The following CNTNAP2 variants were observed in gnomAD, a reference collection of about 807,000 sequenced individuals.
CNTNAP2 encodes contactin associated protein 2, also known as contactin-associated protein-like 2.
A neutral mutation model predicts 155.2 loss-of-function variants in CNTNAP2; 98 were observed. That is an observed-to-expected ratio of 0.63 (90% CI 0.54 to 0.75). CNTNAP2 has a LOEUF of 0.75. Among genes scored for constraint, CNTNAP2 ranks in the 30% least tolerant of loss-of-function variants. The pLI is 0.00. For synonymous variants in CNTNAP2, 651 were observed against 631.2 expected (o/e 1.03, Z -0.47); for missense variants, 1,727 against 1,688.1 (o/e 1.02, Z -0.40).
intron 1 of CNTNAP2, among the ~76,000 whole-genome samples, chr7:146,420,726 T>C (rs1160684744): frequency 6.6e-6 from 1 of 152,062 alleles, no homozygotes; most frequent in Non-Finnish European, 1.5e-5. Context: ...TACTGAGGCT[T>C]GAAAAGTATG....
At chr7:146,847,070 C>T (rs550726683) in intron 3 of CNTNAP2, among the ~76,000 whole-genome samples, 18 of 142,724 alleles carry the variant, frequency 1.3e-4, no homozygotes, top group East Asian at 5.8e-4. Flanking sequence ...TTTTTTTTAT[C>T]GTGTCAAGGT....
At chr7:148,330,906 G>A (rs564066633) in intron 21 of CNTNAP2, among the ~76,000 whole-genome samples, 1 of 98,870 alleles carries the variant, frequency 1.0e-5, no homozygotes, top group African/African-American at 2.9e-5. Context: ...GGAATGGACG[G>A]ATGGAGTGGA....
At chr7:147,361,885 A>G (rs750394705) in intron 9 of CNTNAP2, among the ~76,000 whole-genome samples, 15 of 152,132 alleles carry the variant, frequency 9.9e-5, no homozygotes, top group Non-Finnish European at 1.5e-4. Flanking sequence ...GCTCTTCTCT[A>G]CTGCATGATA....
rs569991705 is a variant in CNTNAP2, at chr7:146,623,274, T to G, written c.98-150997T>G. On this transcript the variant is annotated intron_variant, in intron 1 of 23. Coordinates refer to ENST00000361727, the MANE Select transcript of CNTNAP2 (RefSeq NM_014141.6). ...CTGCCTTCTGACATGTGATCCTGACTTCCTGCATACGTTTTAAAGCGTTTT... is the reference window on the plus strand; with the variant it reads ...CTGCCTTCTGACATGTGATCCTGACGTCCTGCATACGTTTTAAAGCGTTTT... 6.0e-4 allele frequency among the ~76,000 whole-genome samples: 91 copies of G among 152,324 alleles called. 1 individual carries two copies. The highest frequency in any genetic ancestry group is 1.4e-3 in the South Asian group (7 of 4,828).
chr7:146,293,859 C>T (rs1183820219), intron 1 of CNTNAP2, among the ~76,000 whole-genome samples: 5 of 151,926 alleles, frequency 3.3e-5, no homozygotes, highest in Non-Finnish European at 7.4e-5. Context: ...GGAGACCTTC[C>T]ATAATGTAAA....
chr7:148,248,725 A>G (rs1031820978), intron 20 of CNTNAP2, among the ~76,000 whole-genome samples: 1 of 152,234 alleles, frequency 6.6e-6, no homozygotes. Context: ...ATACACATGT[A>G]TAGAGCAGAC....
At chr7:146,713,541 A>G (rs1563199854) in intron 1 of CNTNAP2, among the ~76,000 whole-genome samples, 1 of 152,156 alleles carries the variant, frequency 6.6e-6, no homozygotes, top group Non-Finnish European at 1.5e-5. Flanking sequence ...CTCCTGCCCA[A>G]CCACCTCACC....
chr7:146,843,275 G>A (rs990770315), intron 3 of CNTNAP2, among the ~76,000 whole-genome samples: 2 of 148,248 alleles, frequency 1.3e-5, no homozygotes, highest in African/African-American at 5.1e-5. Context: ...GCCTCCCAAA[G>A]TGCTGGGATT....
chr7:147,386,882 T>A (rs530349101), intron 9 of CNTNAP2, among the ~76,000 whole-genome samples: 1 of 152,156 alleles, frequency 6.6e-6, no homozygotes, highest in South Asian at 2.1e-4. Flanking sequence ...ACTGGGCAAT[T>A]TACCAAAGAA....
chr7:147,355,498 T>C (rs116568421), intron 9 of CNTNAP2, among the ~76,000 whole-genome samples: 2,065 of 152,000 alleles, frequency 0.014, 40 homozygotes, highest in African/African-American at 0.047. Flanking sequence ...GCACGGAATC[T>C]AGGAGCTGTA....
chr7:147,141,663 G>T (rs1327475493), intron 8 of CNTNAP2, among the ~76,000 whole-genome samples: 1 of 151,914 alleles, frequency 6.6e-6, no homozygotes, highest in African/African-American at 2.4e-5. Context: ...CACTAACCTT[G>T]GCCACTACCT....
intron 13 of CNTNAP2, among the ~76,000 whole-genome samples, chr7:147,864,743 G>T (rs1265711018): frequency 6.6e-6 from 1 of 152,166 alleles, no homozygotes; most frequent in African/African-American, 2.4e-5. Flanking sequence ...TGTTATTGGT[G>T]TATAGGAATG....
intron 14 of CNTNAP2, among the ~76,000 whole-genome samples, chr7:147,976,581 A>G (rs1233401257): frequency 6.6e-6 from 1 of 152,216 alleles, no homozygotes; most frequent in East Asian, 1.9e-4. Flanking sequence ...CTAAGGCAGT[A>G]TATAATGCAT....
At chr7:146,186,765 T>C (rs887520859) in intron 1 of CNTNAP2, among the ~76,000 whole-genome samples, 1 of 152,196 alleles carries the variant, frequency 6.6e-6, no homozygotes, top group East Asian at 1.9e-4. Flanking sequence ...GTGGATGGCA[T>C]GTCCCTTCTA....
intron 13 of CNTNAP2, among the ~76,000 whole-genome samples, chr7:147,881,797 C>T (rs1333996026): frequency 6.6e-6 from 1 of 152,016 alleles, no homozygotes; most frequent in Non-Finnish European, 1.5e-5. Flanking sequence ...AACGGTGAAA[C>T]CCCGTCTCTA....
Position 146,578,337 on chromosome 7 carries a change from C to A in CNTNAP2, c.98-195934C>A, listed in dbSNP as rs1798556689. Among the ~76,000 whole-genome samples, 3 of 152,056 alleles carry A rather than the reference C, an allele frequency of 2.0e-5. No individual in the cohort carries two copies. In the South Asian group the frequency reaches 6.2e-4, roughly 31 times the overall value. ...AATTTTGCTCAGAGAACATTTGAAG[C>A]ACTCAATATTTAATTTCTTATTATA... On this transcript the variant is annotated intron_variant, in intron 1 of 23. Transcript: ENST00000361727.
chr7:147,653,101 T>C (rs1795472888), intron 13 of CNTNAP2, among the ~76,000 whole-genome samples: 1 of 152,222 alleles, frequency 6.6e-6, no homozygotes, highest in Non-Finnish European at 1.5e-5. Flanking sequence ...CTACAGAGCA[T>C]TTGACTTTCA....
At chr7:147,881,230 T>C (rs1021378686) in intron 13 of CNTNAP2, among the ~76,000 whole-genome samples, 69 of 152,214 alleles carry the variant, frequency 4.5e-4, no homozygotes, top group African/African-American at 1.5e-3. Context: ...AGTGAAACCA[T>C]TGGAATTGAG....
chr7:147,812,217 T>G lies in CNTNAP2; in HGVS notation c.2099-91348T>G, dbSNP rs140149752. On this transcript the variant is annotated intron_variant, in intron 13 of 23. Coordinates refer to ENST00000361727, the MANE Select transcript of CNTNAP2 (RefSeq NM_014141.6). ...TCAAGGCAAGTCTGTGTCTGAGATG[T>G]TCCAGGAAGAGGAAGGAGGCCGGTG... Among the ~76,000 whole-genome samples, 91 of 152,242 alleles carry G rather than the reference T, an allele frequency of 6.0e-4. No homozygotes were observed. In the East Asian group the frequency reaches 7.2e-3, roughly 12 times the overall value.
Sources: allele counts gnomAD v4.1 joint callset (sites outside exome capture counted in the v4.1 genomes callset), GRCh38; gene constraint gnomAD v4.1.1; transcripts MANE v1.5; gene names NCBI Gene and HGNC (gene_info 2026-07-23, HGNC 2026-07-21).